The following GRB14 variants were observed in gnomAD, a reference collection of about 807,000 sequenced individuals.
GRB14 encodes the protein growth factor receptor bound protein 14, also known as growth factor receptor-bound protein 14.
Under a neutral mutation model 69.1 loss-of-function variants are expected in GRB14, and 38 were observed. The observed-to-expected ratio is 0.55, with a 90% CI of 0.42 to 0.72. The LOEUF is 0.72. Ranked by LOEUF, GRB14 falls within the 30% of genes least tolerant of loss-of-function variation. The pLI, the probability that GRB14 is intolerant of heterozygous loss-of-function variation, is 0.00. For missense variants in GRB14, 666 were observed against 666.1 expected (o/e 1.00, Z 0.00); for synonymous variants, 247 against 241.3 (o/e 1.02, Z -0.22).
At chr2:164,512,621 T>A (rs918567269) in intron 6 of GRB14, among the ~76,000 whole-genome samples, 1 of 152,084 alleles carries the variant, frequency 6.6e-6, no homozygotes, top group Non-Finnish European at 1.5e-5. Context: ...TGAGCAAACA[T>A]AGATGGTAGC....
In GRB14 at chr2:164,492,680, T is replaced by A; in HGVS notation, c.*356A>T. On this transcript the variant is annotated 3_prime_UTR_variant, in exon 14 of 14. Transcript: ENST00000263915. ...TAGTGCACAAATAATTATTCCTGAC[T>A]CCCAATTTATTTCATATTTTGTGTT... 6.1e-6 allele frequency: 1 copy of A among 163,986 alleles called. No homozygotes were observed. The highest frequency in any genetic ancestry group is 6.4e-5 in the Admixed American group (1 of 15,642). 10.2% of individuals were successfully genotyped at this position (163,986 alleles called of 1,614,324 possible). A position where few individuals can be genotyped will look rare whatever the true frequency, so the allele number is the denominator to read the frequency against.
chr2:164,581,308 G>A (rs1350722736), intron 2 of GRB14, among the ~76,000 whole-genome samples: 3 of 152,136 alleles, frequency 2.0e-5, no homozygotes, highest in African/African-American at 7.2e-5. Context: ...TTTTGCACAT[G>A]TGATTATGTT....
In GRB14 at chr2:164,547,728, A is replaced by T; in HGVS notation, c.413T>A (p.Ile138Asn). The T allele has an allele frequency of 6.2e-7, 1 of 1,613,896 alleles. No homozygotes were observed. Among genetic ancestry groups the T allele is most frequent in the Non-Finnish European group, 8.5e-7 (1 of 1,179,860 alleles). Residue 138 changes from isoleucine (I) to asparagine (N), a missense_variant, in exon 3 of 14, where the codon ATC becomes AAC. Coordinates refer to ENST00000263915, the MANE Select transcript of GRB14 (RefSeq NM_004490.3). ...GTCATCAATGTAATGATTCTTCAGG[A>T]TCAACAGCTGACAAACATCTCGAGC... ...ITARDVCQLL[I>N]LKNHYIDDHS...
intron 3 of GRB14, among the ~76,000 whole-genome samples, chr2:164,547,368 T>TAA (rs375654550): frequency 1.0e-3 from 157 of 152,278 alleles, no homozygotes; most frequent in Admixed American, 3.4e-3. Context: ...TTGAATTTTT[T>TAA]AAAAAATACA....
chr2:164,584,952 G>T (rs75512593), intron 2 of GRB14, among the ~76,000 whole-genome samples: 1 of 150,648 alleles, frequency 6.6e-6, no homozygotes, highest in African/African-American at 2.5e-5. Context: ...TGTTTTTGTG[G>T]TTTTTTTGAG....
intron 3 of GRB14, among the ~76,000 whole-genome samples, chr2:164,531,556 T>G (rs539101501): frequency 7.6e-4 from 115 of 152,298 alleles, no homozygotes; most frequent in African/African-American, 2.7e-3. Context: ...GTAGACTTTA[T>G]CAATTTTTGA....
chr2:164,586,200 T>C (rs1424316415), intron 2 of GRB14, among the ~76,000 whole-genome samples: 3 of 152,172 alleles, frequency 2.0e-5, no homozygotes, highest in Non-Finnish European at 4.4e-5. Context: ...GAGCATGGGA[T>C]AGATCTGGGA....
intron 3 of GRB14, among the ~76,000 whole-genome samples, chr2:164,546,853 G>T (rs1007337418): frequency 2.6e-5 from 4 of 152,124 alleles, no homozygotes; most frequent in African/African-American, 9.7e-5. Context: ...AATCAGAGTG[G>T]CTGTTCAGCA....
intron 2 of GRB14, among the ~76,000 whole-genome samples, chr2:164,568,066 T>C (rs1689026256): frequency 6.6e-6 from 1 of 152,192 alleles, no homozygotes; most frequent in Non-Finnish European, 1.5e-5. Flanking sequence ...TAAATCACAG[T>C]GACCTGAAAT....
intron 2 of GRB14, among the ~76,000 whole-genome samples, chr2:164,563,696 T>C (rs1049168138): frequency 6.6e-6 from 1 of 152,236 alleles, no homozygotes; most frequent in Non-Finnish European, 1.5e-5. Flanking sequence ...GGACTTATCC[T>C]TGTAAAGTGA....
chr2:164,531,935 C>T (rs1388991249), intron 3 of GRB14, among the ~76,000 whole-genome samples: 1 of 152,116 alleles, frequency 6.6e-6, no homozygotes, highest in Non-Finnish European at 1.5e-5. Context: ...TCCACAGCAT[C>T]CCAGTACGGG....
chr2:164,505,350 C>T (rs557892119), intron 8 of GRB14, among the ~76,000 whole-genome samples: 73 of 152,254 alleles, frequency 4.8e-4, no homozygotes, highest in Admixed American at 1.3e-3. Flanking sequence ...ATGTGCATTT[C>T]GAAATTTAAC....
At chr2:164,581,369 G>A (rs1013110124) in intron 2 of GRB14, among the ~76,000 whole-genome samples, 4 of 152,112 alleles carry the variant, frequency 2.6e-5, no homozygotes, top group Non-Finnish European at 4.4e-5. Context: ...GGGTTCCAAC[G>A]TAGTCACAAG....
At chr2:164,619,392 C>A (rs750492989) in intron 2 of GRB14, among the ~76,000 whole-genome samples, 2 of 152,182 alleles carry the variant, frequency 1.3e-5, no homozygotes, top group African/African-American at 4.8e-5. Flanking sequence ...AAATGATCAT[C>A]TCTTCTACCT....
intron 2 of GRB14, among the ~76,000 whole-genome samples, chr2:164,587,290 A>C (rs1451322635): frequency 6.6e-6 from 1 of 152,184 alleles, no homozygotes; most frequent in Non-Finnish European, 1.5e-5. Context: ...CAAGTGATTA[A>C]GCAAGAGTAG....
At chr2:164,520,877 T>C (rs1222334102) in intron 6 of GRB14, among the ~76,000 whole-genome samples, 1 of 152,104 alleles carries the variant, frequency 6.6e-6, no homozygotes, top group Non-Finnish European at 1.5e-5. Flanking sequence ...TTGGTGTGGA[T>C]GTGGTGAAAA....
chr2:164,508,427 T>C (rs369956672), intron 8 of GRB14, 28 bp downstream of exon 8: 5 of 1,575,176 alleles, frequency 3.2e-6, no homozygotes, highest in African/African-American at 2.7e-5. Context: ...CAGCAGTTAA[T>C]AGAAATTCAT....
intron 2 of GRB14, among the ~76,000 whole-genome samples, chr2:164,549,409 A>G (rs904320044): frequency 2.0e-5 from 3 of 152,148 alleles, no homozygotes; most frequent in African/African-American, 7.2e-5. Context: ...TAATTTTCTT[A>G]TACACTGAAT....
chr2:164,588,378 G>A (rs1287756356), intron 2 of GRB14, among the ~76,000 whole-genome samples: 1 of 152,100 alleles, frequency 6.6e-6, no homozygotes, highest in Non-Finnish European at 1.5e-5. Context: ...AATTAAATAA[G>A]GGCCAAAGAA....
Sources: allele counts gnomAD v4.1 joint callset (sites outside exome capture counted in the v4.1 genomes callset), GRCh38; gene constraint gnomAD v4.1.1; transcripts MANE v1.5; gene names NCBI Gene and HGNC (gene_info 2026-07-23, HGNC 2026-07-21).